Variants in CLDN25 observed in about 807,000 individuals in gnomAD.
CLDN25 encodes claudin 25.
For synonymous variants in CLDN25, 117 were observed against 112.7 expected (o/e 1.04, Z -0.24); for missense variants, 286 against 279.7 (o/e 1.02, Z -0.16).
At chr11:113,780,266 A>G in exon 1 of CLDN25, 1 of 1,613,302 alleles carries the variant, frequency 6.2e-7, no homozygotes, top group South Asian at 1.1e-5. Context: ...CTGACATCAT[A>G]CCTCGGTGGG....
At position 113,780,417 on chromosome 11, in the gene CLDN25, T is replaced by C. The variant is rs199947437; in HGVS notation, c.622T>C (p.Cys208Arg). The change falls in exon 1 of 1, where the codon TGT (cysteine) becomes CGT (arginine). Residue 208 changes from cysteine to arginine, a missense_variant. Physicochemically the swap from Cys to Arg is radical, Grantham distance 180. Coordinates refer to ENST00000453129, the Ensembl canonical transcript of CLDN25. ...GGCTGGTCCCACAGTCCCCCTATCC[T>C]GTGCTCCAGTGGAGGAGTCAGATGG... 1.4e-4 allele frequency: 234 copies of C among 1,613,808 alleles called. No individual in the cohort carries two copies. Among genetic ancestry groups the C allele is most frequent in the Middle Eastern group, 1.6e-4 (1 of 6,084 alleles).
chr11:113,779,834 G>A (rs745321540), exon 1 of CLDN25: 12 of 1,613,370 alleles, frequency 7.4e-6, no homozygotes, highest in Non-Finnish European at 1.0e-5. Context: ...AGCTCGGGGG[G>A]CTACTTCTCT....
exon 1 of CLDN25, chr11:113,780,366 A>G: frequency 6.2e-7 from 1 of 1,613,878 alleles, no homozygotes; most frequent in Non-Finnish European, 8.5e-7. Context: ...CTGCCTGGGA[A>G]AAGAAGATGT....
In CLDN25 at chr11:113,780,046, TGGTAGCCTCC is replaced by T; in HGVS notation, c.252_261del (p.Met84IlefsTer112). ...GAGCTCCAGGTAGCCCGCATCCTCA[TGGTAGCCTCC>T]CATGGGCTGGGCCTATTGGGGCTTT... On this transcript the variant is annotated frameshift_variant, in exon 1 of 1. Transcript: ENST00000453129. LOFTEE classifies it low-confidence loss of function (END_TRUNC). The T allele has an allele frequency of 6.2e-7, 1 of 1,614,060 alleles. No individual in the cohort carries two copies. The highest frequency in any genetic ancestry group is 8.5e-7 in the Non-Finnish European group (1 of 1,179,900).
exon 1 of CLDN25, chr11:113,780,062 G>T (rs757357516): frequency 3.1e-6 from 5 of 1,613,952 alleles, no homozygotes; most frequent in African/African-American, 1.3e-5. Context: ...CCTCCCATGG[G>T]CTGGGCCTAT....
exon 1 of CLDN25, chr11:113,780,190 C>T: frequency 6.2e-7 from 1 of 1,614,000 alleles, no homozygotes; most frequent in African/African-American, 1.3e-5. Context: ...GCTTCAGCCA[C>T]TACCCTCCTT....
chr11:113,780,239 C>G lies in CLDN25; in HGVS notation c.444C>G (p.Phe148Leu), dbSNP rs760672655. Residue 148 changes from phenylalanine to leucine, a missense_variant, in exon 1 of 1, where the codon TTC (phenylalanine) becomes TTG (leucine). Coordinates refer to ENST00000453129, the Ensembl canonical transcript of CLDN25. ...TGGCCCATGCCACAATCCAAGACTT[C>G]TGGGATGACAGCATCCCTGACATCA... 37 of 1,613,814 alleles carry G rather than the reference C, an allele frequency of 2.3e-5. No homozygotes were observed. The highest frequency in any genetic ancestry group is 3.3e-5 in the Admixed American group (2 of 60,000).
exon 1 of CLDN25, chr11:113,780,046 T>G (rs1404860856): frequency 1.2e-6 from 2 of 1,614,060 alleles, no homozygotes; most frequent in Non-Finnish European, 1.7e-6. Context: ...CGCATCCTCA[T>G]GGTAGCCTCC....
At chr11:113,780,375 G>A in exon 1 of CLDN25, 5 of 1,613,906 alleles carry the variant, frequency 3.1e-6, no homozygotes, top group Non-Finnish European at 4.2e-6. Flanking sequence ...AAAAGAAGAT[G>A]TGCCTTTTCC....
exon 1 of CLDN25, chr11:113,779,939 G>T (rs1937798390): frequency 6.2e-7 from 1 of 1,614,030 alleles, no homozygotes; most frequent in Non-Finnish European, 8.5e-7. Flanking sequence ...CCTGGATCAT[G>T]GGGATTTGGG....
At chr11:113,780,317 T>C in exon 1 of CLDN25, 1 of 1,613,804 alleles carries the variant, frequency 6.2e-7, no homozygotes, top group Admixed American at 1.7e-5. Flanking sequence ...CTGCTGGTAT[T>C]TTCCTGGCTC....
In CLDN25 at chr11:113,780,410, C is replaced by G. The variant is rs371223196; in HGVS notation, c.615C>G (p.Pro205=). ...CTTTGATGGCTGGTCCCACAGTCCC[C>G]CTATCCTGTGCTCCAGTGGAGGAGT... The change falls in exon 1 of 1, where the codon CCC becomes CCG. Residue 205 remains proline, a synonymous_variant. Coordinates refer to ENST00000453129, the Ensembl canonical transcript of CLDN25. 1.4e-5 allele frequency: 23 copies of G among 1,613,836 alleles called. No homozygotes were observed. In the African/African-American group the frequency reaches 2.7e-4, roughly 19 times the overall value.
Position 113,780,429 on chromosome 11 carries a change from G to T in CLDN25, c.634G>T (p.Glu212Ter), listed in dbSNP as rs1937809391. ...AGTCCCCCTATCCTGTGCTCCAGTGGAGGAGTCAGATGGCTCCTTCCACCT... is the reference window on the plus strand; with the variant it reads ...AGTCCCCCTATCCTGTGCTCCAGTGTAGGAGTCAGATGGCTCCTTCCACCT... The change falls in exon 1 of 1, where the codon GAG becomes TAG. Residue 212 changes from glutamate (E) to a stop codon, truncating the protein, a stop_gained. Coordinates refer to ENST00000453129, the Ensembl canonical transcript of CLDN25. LOFTEE classifies it low-confidence loss of function (END_TRUNC). The T allele has an allele frequency of 3.1e-6, 5 of 1,613,890 alleles. No individual in the cohort carries two copies. Among genetic ancestry groups the T allele is most frequent in the Non-Finnish European group, 4.2e-6 (5 of 1,179,878 alleles).
At chr11:113,780,102 G>C (rs140547989) in exon 1 of CLDN25, 3 of 1,614,040 alleles carry the variant, frequency 1.9e-6, no homozygotes, top group Non-Finnish European at 2.5e-6. Flanking sequence ...CTTTGGGTCT[G>C]AATGCTTCCA....
chr11:113,779,828 C>T (rs751896747), exon 1 of CLDN25: 12 of 1,612,964 alleles, frequency 7.4e-6, no homozygotes, highest in Admixed American at 3.3e-5. Context: ...AAGTCCAGCT[C>T]GGGGGGCTAC....
At position 113,780,334 on chromosome 11, in the gene CLDN25, G is replaced by A. The variant is rs1196409317; in HGVS notation, c.539G>A (p.Gly180Glu). The A allele has an allele frequency of 1.9e-6, 3 of 1,613,622 alleles. No individual in the cohort carries two copies. The South Asian group carries it at 3.3e-5, about 18-fold the overall frequency. The change falls in exon 1 of 1, where the codon GGG becomes GAG. Residue 180 changes from glycine (G) to glutamate (E), a missense_variant. Transcript: ENST00000453129. ...GCTGGTATTTTCCTGGCTCTTGGTG[G>A]GCTACTCCTCATCTTCTCGGCCTGC...
At chr11:113,779,883 C>T in exon 1 of CLDN25, 1 of 1,614,022 alleles carries the variant, frequency 6.2e-7, no homozygotes, top group Non-Finnish European at 8.5e-7. Context: ...TACCACCATC[C>T]TGCCCCAGTG....
chr11:113,780,099 T>G, exon 1 of CLDN25: 3 of 1,613,952 alleles, frequency 1.9e-6, no homozygotes, highest in Non-Finnish European at 2.5e-6. Context: ...CAGCTTTGGG[T>G]CTGAATGCTT....
rs772015749 is a variant in CLDN25, at chr11:113,779,828, C to CG, written c.39dup (p.Leu14AlafsTer24). On this transcript the variant is annotated frameshift_variant, in exon 1 of 1. Coordinates refer to ENST00000453129, the Ensembl canonical transcript of CLDN25. LOFTEE classifies it low-confidence loss of function (END_TRUNC). ...GGAGTTTCCGTGCAAAAGTCCAGCT[C>CG]GGGGGGCTACTTCTCTCCCTCCTTG... The CG allele has an allele frequency of 1.9e-6, 3 of 1,613,080 alleles. No homozygotes were observed. Among genetic ancestry groups the CG allele is most frequent in the African/African-American group, 1.3e-5 (1 of 75,032 alleles).
Sources: allele counts gnomAD v4.1 joint callset, GRCh38; gene constraint gnomAD v4.1.1; transcripts MANE v1.5; gene names NCBI Gene and HGNC (gene_info 2026-07-23, HGNC 2026-07-21).